ZC3HC1: variants seen among roughly 807,000 people sequenced by gnomAD.
ZC3HC1 encodes zinc finger C3HC-type protein 1.
In ZC3HC1, 38 loss-of-function variants were observed where a neutral mutation model predicts 61.9. The observed-to-expected ratio is 0.61, with a 90% CI of 0.47 to 0.81. The LOEUF (loss-of-function observed/expected upper bound fraction) is 0.81. Ranked by LOEUF, ZC3HC1 falls within the 30% of genes least tolerant of loss-of-function variation. The pLI is 0.00. For synonymous variants in ZC3HC1, 213 were observed against 229.9 expected (o/e 0.93, Z 0.67); for missense variants, 554 against 622.7 (o/e 0.89, Z 1.17).
intron 9 of ZC3HC1, among the ~76,000 whole-genome samples, chr7:130,019,809 GTTT>G (rs754542017): frequency 9.4e-5 from 9 of 95,798 alleles, no homozygotes; most frequent in African/African-American, 3.0e-4. Context: ...GCTTTCACAG[GTTT>G]TTTTTTTTTT....
intron 4 of ZC3HC1, among the ~76,000 whole-genome samples, chr7:130,032,507 G>A (rs998891555): frequency 1.3e-5 from 2 of 150,974 alleles, no homozygotes; most frequent in African/African-American, 4.9e-5. Flanking sequence ...TTAGCTGGAT[G>A]TGGTGGCATA....
intron 4 of ZC3HC1, among the ~76,000 whole-genome samples, chr7:130,037,819 GAAA>G (rs1169596344): frequency 4.6e-5 from 7 of 152,270 alleles, no homozygotes; most frequent in Non-Finnish European, 1.0e-4. Context: ...GTCAAGGCAT[GAAA>G]TATACAGATG....
intron 9 of ZC3HC1, among the ~76,000 whole-genome samples, chr7:130,019,317 G>A (rs1018243765): frequency 2.6e-5 from 4 of 152,080 alleles, no homozygotes; most frequent in African/African-American, 7.2e-5. Flanking sequence ...CCAAAGTGCT[G>A]GGATTACAGG....
chr7:130,029,125 C>A, intron 4 of ZC3HC1, 96 bp from the exon 5 acceptor site: 1 of 1,368,104 alleles, frequency 7.3e-7, no homozygotes, highest in South Asian at 1.4e-5. Context: ...AATCCCAGCA[C>A]TTTGGAAGGC....
rs971691564 is a variant in ZC3HC1, at chr7:130,023,370, T to G, written c.1233+141A>C. 42 of 796,078 alleles carry G rather than the reference T, an allele frequency of 5.3e-5. No homozygotes were observed. Among genetic ancestry groups the G allele is most frequent in the Non-Finnish European group, 7.3e-5 (37 of 504,648 alleles). 49.3% of individuals were successfully genotyped at this position (796,078 alleles called of 1,614,324 possible). A position where few individuals can be genotyped will look rare whatever the true frequency, so the allele number is the denominator to read the frequency against. ...CATGACTGACATTTTTTCCCTTTGG[T>G]CATCCAACTTTAAATTTATTCACAT... On this transcript the variant is annotated intron_variant, in intron 8 of 9. Transcript: ENST00000358303. This position sits in a 1 kb window ranked among gnomAD's most constrained non-coding sequence, Gnocchi z 4.2.
intron 4 of ZC3HC1, among the ~76,000 whole-genome samples, chr7:130,030,825 C>T (rs796976375): frequency 1.3e-3 from 194 of 151,640 alleles, no homozygotes; most frequent in African/African-American, 3.7e-3. Context: ...CCCGCCACTG[C>T]GCCTGGCTAA....
At chr7:130,040,915 G>A in intron 3 of ZC3HC1, 36 bp downstream of exon 3, 1 of 1,577,380 alleles carries the variant, frequency 6.3e-7, no homozygotes, top group Non-Finnish European at 8.6e-7. Context: ...ATATATTTGA[G>A]TGTGGAGAAA....
intron 3 of ZC3HC1, among the ~76,000 whole-genome samples, chr7:130,040,230 C>CACGCCTGT (rs1158930377): frequency 2.2e-5 from 3 of 138,702 alleles, no homozygotes; most frequent in Non-Finnish European, 4.6e-5. Flanking sequence ...CACGGTGGCT[C>CACGCCTGT]ACGCCTGTAA....
Position 130,049,054 on chromosome 7 carries a change from AAAG to A in ZC3HC1, c.234_236del (p.Phe79del). ...ATATAGAAAATGTTTCCACTCTGCTAAAGAAGGCTTCTTTGCTTGTAGATTCCA... is the reference window on the plus strand; with the variant it reads ...ATATAGAAAATGTTTCCACTCTGCTAAAGGCTTCTTTGCTTGTAGATTCCA... On this transcript the variant is annotated inframe_deletion, in exon 2 of 10. Coordinates refer to ENST00000358303, the MANE Select transcript of ZC3HC1 (RefSeq NM_016478.5). 1.9e-6 allele frequency: 3 copies of A among 1,606,326 alleles called. No homozygotes were observed. The highest frequency in any genetic ancestry group is 2.5e-6 in the Non-Finnish European group (3 of 1,176,946).
chr7:130,034,672 A>G (rs888059987), intron 4 of ZC3HC1, among the ~76,000 whole-genome samples: 1 of 151,414 alleles, frequency 6.6e-6, no homozygotes, highest in East Asian at 2.0e-4. Flanking sequence ...ATTTTAAAAA[A>G]TTTTTTCTTT....
At position 130,024,467 on chromosome 7, in the gene ZC3HC1, A is replaced by G; in HGVS notation, c.816T>C (p.Cys272=). 6.2e-7 allele frequency: 1 copy of G among 1,614,002 alleles called. No individual in the cohort carries two copies. Among genetic ancestry groups the G allele is most frequent in the South Asian group, 1.1e-5 (1 of 91,076 alleles). ...LESMQLSLIT[C]SQCMRKVGLW... The stretch of plus-strand genomic sequence containing the variant: ...GCCCCACCTTCCTCATACATTGCGA[A>G]CATGTTATCAGGGAGAGCTGCATGG... Residue 272 remains cysteine (C), a synonymous_variant, in exon 7 of 10, where the codon TGT becomes TGC. Transcript: ENST00000358303.
intron 5 of ZC3HC1, 102 bp downstream of exon 5, chr7:130,028,800 C>A: frequency 6.8e-7 from 1 of 1,462,636 alleles, no homozygotes; most frequent in Non-Finnish European, 9.2e-7. Context: ...ACAAGCAGTT[C>A]TCTTCACAGC....
At chr7:130,030,522 T>C (rs1029849633) in intron 4 of ZC3HC1, among the ~76,000 whole-genome samples, 2 of 151,778 alleles carry the variant, frequency 1.3e-5, no homozygotes, top group Non-Finnish European at 2.9e-5. Context: ...TAATAAAGAA[T>C]GAAAACACGT....
chr7:130,028,726 A>T (rs1333997417), intron 5 of ZC3HC1, among the ~76,000 whole-genome samples, 176 bp downstream of exon 5: 1 of 152,154 alleles, frequency 6.6e-6, no homozygotes, highest in Non-Finnish European at 1.5e-5. Context: ...ATACCTAAAC[A>T]TTCAAATGGA....
At chr7:130,031,787 G>A (rs1794206695) in intron 4 of ZC3HC1, among the ~76,000 whole-genome samples, 1 of 152,150 alleles carries the variant, frequency 6.6e-6, no homozygotes, top group Non-Finnish European at 1.5e-5. Flanking sequence ...GCACAAGCAG[G>A]AAGTGAAGGC....
chr7:130,037,642 T>G (rs1305372292), intron 4 of ZC3HC1, among the ~76,000 whole-genome samples: 5 of 152,198 alleles, frequency 3.3e-5, no homozygotes, highest in Admixed American at 1.3e-4. Flanking sequence ...TAATCCCTTT[T>G]CTACCACCCT....
intron 4 of ZC3HC1, 76 bp downstream of exon 4, chr7:130,039,388 G>C: frequency 1.6e-6 from 2 of 1,223,276 alleles, no homozygotes; most frequent in Non-Finnish European, 2.3e-6. Context: ...CAAAGACTAG[G>C]TTTTCACAAA....
At chr7:130,024,634 T>G in intron 6 of ZC3HC1, 128 bp from the exon 7 acceptor site, 1 of 1,065,252 alleles carries the variant, frequency 9.4e-7, no homozygotes, top group Non-Finnish European at 1.3e-6. Context: ...TCAGAGCCTC[T>G]GTGCTCCAGT....
intron 9 of ZC3HC1, among the ~76,000 whole-genome samples, chr7:130,019,450 T>TA (rs1793533733): frequency 6.6e-6 from 1 of 152,220 alleles, no homozygotes; most frequent in Non-Finnish European, 1.5e-5. Flanking sequence ...GTTAACAGTA[T>TA]AAACCAAGGA....
Sources: allele counts gnomAD v4.1 joint callset (sites outside exome capture counted in the v4.1 genomes callset), GRCh38; gene constraint gnomAD v4.1.1; non-coding constraint Gnocchi (gnomAD v3.1); transcripts MANE v1.5; gene names NCBI Gene and HGNC (gene_info 2026-07-23, HGNC 2026-07-21).